TAFA1: variants seen among roughly 807,000 people sequenced by gnomAD.
TAFA1 encodes the protein TAFA chemokine like family member 1, also known as chemokine-like protein TAFA-1.
Under a neutral mutation model 18.5 loss-of-function variants are expected in TAFA1, and 4 were observed. That is an observed-to-expected ratio of 0.22 (90% CI 0.11 to 0.49). TAFA1 has a LOEUF of 0.49. TAFA1 is among the 20% of genes least tolerant of loss of function. The pLI, the probability that TAFA1 is intolerant of heterozygous loss-of-function variation, is 0.98. For missense variants in TAFA1, 147 were observed against 169.0 expected (o/e 0.87, Z 0.72); for synonymous variants, 56 against 55.2 (o/e 1.01, Z -0.06).
At chr3:68,222,367 A>T (rs1201394490) in intron 2 of TAFA1, among the ~76,000 whole-genome samples, 1 of 152,212 alleles carries the variant, frequency 6.6e-6, no homozygotes, top group Non-Finnish European at 1.5e-5. Flanking sequence ...AAAGTAAGGA[A>T]ATAAGAATTG....
At chr3:68,389,738 C>G (rs2070185357) in intron 2 of TAFA1, among the ~76,000 whole-genome samples, 1 of 152,084 alleles carries the variant, frequency 6.6e-6, no homozygotes, top group African/African-American at 2.4e-5. Context: ...GGGGTGTTAC[C>G]CCACCCAGGA....
At position 68,417,287 on chromosome 3, in the gene TAFA1, G is replaced by T; in HGVS notation, c.126G>T (p.Gly42=). ...QQHHLHRPEG[G]TCEVIAAHRC... Reference sequence around the variant, plus strand: ...TTCTTTCTCTCTTGCCAGAAGGAGGGACGTGTGAAGTGATAGCAGCACACC... The same window carrying T: ...TTCTTTCTCTCTTGCCAGAAGGAGGTACGTGTGAAGTGATAGCAGCACACC... The change falls in exon 3 of 5, where the codon GGG becomes GGT. Residue 42 remains glycine, a synonymous_variant. Transcript: ENST00000478136. 1 of 1,612,786 alleles carries T rather than the reference G, an allele frequency of 6.2e-7. No individual in the cohort carries two copies. The highest frequency in any genetic ancestry group is 8.5e-7 in the Non-Finnish European group (1 of 1,179,288).
intron 2 of TAFA1, among the ~76,000 whole-genome samples, chr3:68,386,771 G>T (rs1193692145): frequency 6.6e-6 from 1 of 152,124 alleles, no homozygotes; most frequent in African/African-American, 2.4e-5. Context: ...TTATAGAAAC[G>T]TGTGTAGCTG....
chr3:68,282,847 G>C (rs547123302), intron 2 of TAFA1, among the ~76,000 whole-genome samples: 7 of 152,224 alleles, frequency 4.6e-5, no homozygotes, highest in African/African-American at 1.7e-4. Context: ...TTCCAGATCT[G>C]TTCTTGCTAA....
At chr3:68,427,386 C>T (rs551399323) in intron 3 of TAFA1, among the ~76,000 whole-genome samples, 30 of 151,934 alleles carry the variant, frequency 2.0e-4, no homozygotes, top group African/African-American at 7.2e-4. Context: ...GTGCTGTCCA[C>T]ATGAATAACT....
At chr3:68,046,461 G>A (rs548823255) in intron 2 of TAFA1, among the ~76,000 whole-genome samples, 2 of 152,224 alleles carry the variant, frequency 1.3e-5, no homozygotes, top group East Asian at 3.9e-4. Context: ...TGCTAAGTTT[G>A]CAATGATACA....
chr3:68,223,532 CA>C (rs1179053954), intron 2 of TAFA1, among the ~76,000 whole-genome samples: 1 of 81,052 alleles, frequency 1.2e-5, no homozygotes, highest in Non-Finnish European at 2.8e-5. Flanking sequence ...CTGTTAGGAC[CA>C]TTTTTTTTTT....
chr3:68,287,777 T>C lies in TAFA1; in HGVS notation c.119-129503T>C, dbSNP rs551035424. 1.7e-3 allele frequency among the ~76,000 whole-genome samples: 252 copies of C among 152,246 alleles called. 2 individuals are homozygous for C. The highest frequency in any genetic ancestry group is 2.1e-3 in the Non-Finnish European group (142 of 68,010). Reference sequence around the variant, plus strand: ...TTAGGGCTATTTATCCTTCCGTCCGTGACGCCCCGAAGCAAGGCCCATTTG... The same window carrying C: ...TTAGGGCTATTTATCCTTCCGTCCGCGACGCCCCGAAGCAAGGCCCATTTG... On this transcript the variant is annotated intron_variant, in intron 2 of 4. Transcript: ENST00000478136.
At chr3:68,534,662 C>A (rs143307497) in intron 3 of TAFA1, among the ~76,000 whole-genome samples, 82 of 152,250 alleles carry the variant, frequency 5.4e-4, no homozygotes, top group African/African-American at 1.9e-3. Flanking sequence ...AAAGCCTCTT[C>A]TTTTCCCCCT....
chr3:68,446,472 C>G (rs1559673660), intron 3 of TAFA1, among the ~76,000 whole-genome samples: 1 of 152,110 alleles, frequency 6.6e-6, no homozygotes, highest in Non-Finnish European at 1.5e-5. Context: ...CCTTCAATAC[C>G]TTGAGTTAGA....
the TAFA1 span, among the ~76,000 whole-genome samples, chr3:67,996,793 C>CAA: frequency 2.2e-5 from 2 of 92,150 alleles, no homozygotes; most frequent in African/African-American, 7.7e-5. Context: ...AACTCCACCT[C>CAA]AAAAAAACAA....
chr3:68,056,136 C>T (rs1287575880), intron 2 of TAFA1, among the ~76,000 whole-genome samples: 2 of 152,122 alleles, frequency 1.3e-5, no homozygotes, highest in East Asian at 3.8e-4. Context: ...GTGCCCCATC[C>T]CAATTCAATC....
intron 2 of TAFA1, among the ~76,000 whole-genome samples, chr3:68,323,207 A>G (rs2106710752): frequency 6.6e-6 from 1 of 152,336 alleles, no homozygotes; most frequent in Non-Finnish European, 1.5e-5. Context: ...CGAACTAAAC[A>G]TATTCCAGGG....
chr3:68,410,414 C>A (rs1028227317), intron 2 of TAFA1, among the ~76,000 whole-genome samples: 1 of 151,928 alleles, frequency 6.6e-6, no homozygotes, highest in Non-Finnish European at 1.5e-5. Flanking sequence ...TGTGCATTAG[C>A]CAGATAATTA....
chr3:68,513,513 T>C (rs765124374), intron 3 of TAFA1, among the ~76,000 whole-genome samples: 1 of 152,168 alleles, frequency 6.6e-6, no homozygotes, highest in Non-Finnish European at 1.5e-5. Flanking sequence ...ACAGCCATAG[T>C]GTTAGCTTTT....
chr3:68,340,129 A>C (rs1016335123), intron 2 of TAFA1, among the ~76,000 whole-genome samples: 2 of 152,224 alleles, frequency 1.3e-5, no homozygotes, highest in Non-Finnish European at 2.9e-5. Flanking sequence ...CTTTGAAAAC[A>C]AGCCACTGTG....
At chr3:68,425,565 T>C (rs2071036396) in intron 3 of TAFA1, among the ~76,000 whole-genome samples, 1 of 151,934 alleles carries the variant, frequency 6.6e-6, no homozygotes, top group Admixed American at 6.6e-5. Flanking sequence ...CACCTAAGCA[T>C]GTACAGGTGT....
upstream of TAFA1, among the ~76,000 whole-genome samples, chr3:67,999,857 C>T (rs986443734): frequency 1.3e-5 from 2 of 150,836 alleles, no homozygotes; most frequent in Non-Finnish European, 2.9e-5. Flanking sequence ...ATGGTGATCT[C>T]GGCTCACTGC....
intron 2 of TAFA1, among the ~76,000 whole-genome samples, chr3:68,146,781 A>T (rs2065746238): frequency 6.6e-6 from 1 of 152,192 alleles, no homozygotes. Context: ...GGAAATTCTA[A>T]CAGAATACAC....
Sources: gnomAD v4.1 joint callset for allele counts (sites outside exome capture counted in the v4.1 genomes callset) on GRCh38, gnomAD v4.1.1 for gene constraint, MANE v1.5 for transcripts, NCBI Gene and HGNC (gene_info 2026-07-23, HGNC 2026-07-21) for gene names.